Variants in MINPP1 observed in about 807,000 individuals in gnomAD.
The protein encoded by MINPP1 is multiple inositol-polyphosphate phosphatase 1.
A neutral mutation model predicts 46.1 loss-of-function variants in MINPP1; 28 were observed. The ratio of observed to expected loss-of-function variants is 0.61; its 90% confidence interval spans 0.45 to 0.83. MINPP1 has a LOEUF of 0.83. MINPP1 is among the 40% of genes least tolerant of loss of function. The pLI is 0.00. For missense variants in MINPP1, 603 were observed against 610.0 expected (o/e 0.99, Z 0.12); for synonymous variants, 268 against 249.1 (o/e 1.08, Z -0.72).
intron 1 of MINPP1, 41 bp from the exon 2 acceptor site, chr10:87,508,295 T>A: frequency 6.2e-7 from 1 of 1,601,334 alleles, no homozygotes; most frequent in Non-Finnish European, 8.5e-7. Context: ...GTCATTTATG[T>A]CAGTGATTTA....
intron 4 of MINPP1, among the ~76,000 whole-genome samples, chr10:87,544,548 T>C (rs1046647332): frequency 2.6e-4 from 40 of 152,282 alleles, no homozygotes; most frequent in African/African-American, 8.9e-4. Flanking sequence ...GCTGACCAGC[T>C]CCATCCTGAA....
chr10:87,532,238 C>A (rs1305867422), intron 4 of MINPP1, among the ~76,000 whole-genome samples: 2 of 152,188 alleles, frequency 1.3e-5, no homozygotes, highest in Non-Finnish European at 2.9e-5. Flanking sequence ...ATTTTTACTT[C>A]TTTTGGATGA....
At chr10:87,514,449 A>G (rs1010095631) in intron 3 of MINPP1, among the ~76,000 whole-genome samples, 1 of 152,192 alleles carries the variant, frequency 6.6e-6, no homozygotes, top group African/African-American at 2.4e-5. Flanking sequence ...AGGATCTAAT[A>G]AGGGATCATT....
Position 87,504,899 on chromosome 10 carries a change from C to T in MINPP1, c.-17C>T, listed in dbSNP as rs1290244562. The T allele has an allele frequency of 6.8e-6, 11 of 1,607,898 alleles. No individual in the cohort carries two copies. The South Asian group carries it at 8.8e-5, about 13-fold the overall frequency. On this transcript the variant is annotated 5_prime_UTR_variant, in exon 1 of 5. Transcript: ENST00000371996. ...CATCTGCAGCTGGCTCGGCGCACTC[C>T]ACTGACCGTCCCGACGATGCTACGC...
At chr10:87,546,915 G>A (rs1337261351) in intron 4 of MINPP1, among the ~76,000 whole-genome samples, 2 of 152,176 alleles carry the variant, frequency 1.3e-5, no homozygotes, top group East Asian at 1.9e-4. Context: ...GGGTGACAGA[G>A]CGAGCTCCTG....
chr10:87,540,149 C>T (rs913321773), intron 4 of MINPP1, among the ~76,000 whole-genome samples: 7 of 152,308 alleles, frequency 4.6e-5, no homozygotes, highest in Non-Finnish European at 5.9e-5. Flanking sequence ...GGATTACAGG[C>T]GTGAGCCACC....
At chr10:87,530,823 G>A (rs1851649019) in intron 4 of MINPP1, among the ~76,000 whole-genome samples, 1 of 152,182 alleles carries the variant, frequency 6.6e-6, no homozygotes, top group African/African-American at 2.4e-5. Context: ...GAGGCAGGCA[G>A]GCCTCCTTGA....
intron 2 of MINPP1, among the ~76,000 whole-genome samples, chr10:87,511,153 C>CTT (rs1851328717): frequency 6.6e-6 from 1 of 151,988 alleles, no homozygotes. Context: ...TCACAAATAC[C>CTT]TTTTATGTAT....
chr10:87,507,342 C>T (rs974089459), intron 1 of MINPP1, among the ~76,000 whole-genome samples: 1 of 151,998 alleles, frequency 6.6e-6, no homozygotes, highest in African/African-American at 2.4e-5. Flanking sequence ...GATAAAATAC[C>T]CAGATGCACT....
intron 4 of MINPP1, among the ~76,000 whole-genome samples, chr10:87,538,004 T>C (rs1320224853): frequency 3.3e-5 from 5 of 152,028 alleles, no homozygotes; most frequent in African/African-American, 1.2e-4. Flanking sequence ...TTTTTCTCAC[T>C]GTGTTGCCCA....
At chr10:87,549,893 T>C (rs139339608) in intron 4 of MINPP1, among the ~76,000 whole-genome samples, 19 of 152,374 alleles carry the variant, frequency 1.2e-4, no homozygotes, top group South Asian at 6.2e-4. Context: ...GTTTTTCTTT[T>C]AACTTGTATC....
chr10:87,515,076 T>A (rs537191365), intron 3 of MINPP1, among the ~76,000 whole-genome samples: 1 of 152,092 alleles, frequency 6.6e-6, no homozygotes, highest in African/African-American at 2.4e-5. Flanking sequence ...GTAGAGGTAC[T>A]TTTTTTCCTT....
chr10:87,518,362 A>G (rs116906778), intron 3 of MINPP1, among the ~76,000 whole-genome samples: 1,992 of 151,950 alleles, frequency 0.013, 17 homozygotes, highest in Non-Finnish European at 0.019. Flanking sequence ...TATTATTTGA[A>G]TAGATTGAAC....
chr10:87,519,716 C>G (rs1206079620), intron 3 of MINPP1, among the ~76,000 whole-genome samples: 1 of 152,114 alleles, frequency 6.6e-6, no homozygotes, highest in Non-Finnish European at 1.5e-5. Flanking sequence ...CTTACTATGA[C>G]ATGCACTTAG....
chr10:87,546,996 GC>G (rs1185820563), intron 4 of MINPP1, among the ~76,000 whole-genome samples: 1 of 152,100 alleles, frequency 6.6e-6, no homozygotes, highest in African/African-American at 2.4e-5. Flanking sequence ...ATGTGCTTTT[GC>G]CAAATTGCAT....
At chr10:87,517,292 T>A (rs1233131989) in intron 3 of MINPP1, among the ~76,000 whole-genome samples, 2 of 152,230 alleles carry the variant, frequency 1.3e-5, no homozygotes, top group Non-Finnish European at 2.9e-5. Context: ...CAGGAAAATA[T>A]ACCTCTTCTC....
chr10:87,514,677 A>C (rs1007646280), intron 3 of MINPP1, among the ~76,000 whole-genome samples: 2 of 152,200 alleles, frequency 1.3e-5, no homozygotes, highest in Non-Finnish European at 2.9e-5. Context: ...TCAGTGCATC[A>C]TATCAGAAGG....
intron 4 of MINPP1, among the ~76,000 whole-genome samples, chr10:87,539,966 A>G (rs567383573): frequency 6.6e-6 from 1 of 152,334 alleles, no homozygotes; most frequent in South Asian, 2.1e-4. Flanking sequence ...TCCTGGGCTC[A>G]AGTGATCCTC....
At chr10:87,551,088 A>C (rs1851956373) in intron 4 of MINPP1, among the ~76,000 whole-genome samples, 1 of 151,910 alleles carries the variant, frequency 6.6e-6, no homozygotes, top group African/African-American at 2.4e-5. Flanking sequence ...TTGAGGTTGG[A>C]TGCTACTTGG....
Sources: gnomAD v4.1 joint callset for allele counts (sites outside exome capture counted in the v4.1 genomes callset) on GRCh38, gnomAD v4.1.1 for gene constraint, MANE v1.5 for transcripts, NCBI Gene and HGNC (gene_info 2026-07-23, HGNC 2026-07-21) for gene names.